CPA5: variants seen among roughly 807,000 people sequenced by gnomAD.
CPA5 encodes carboxypeptidase A5, also known as testicular tissue protein Li 32.
CPA5 carries 38 observed loss-of-function variants against 52.2 expected under a neutral mutation model. The ratio of observed to expected loss-of-function variants is 0.73; its 90% CI spans 0.56 to 0.95. CPA5 has a LOEUF of 0.95. CPA5 is among the 40% of genes least tolerant of loss of function. CPA5 has a pLI of 0.00. For synonymous variants in CPA5, 198 were observed against 213.7 expected (o/e 0.93, Z 0.64); for missense variants, 519 against 566.7 (o/e 0.92, Z 0.86).
intron 10 of CPA5, 93 bp from the exon 11 acceptor site, chr7:130,367,278 TG>T: frequency 9.1e-7 from 1 of 1,103,488 alleles, no homozygotes; most frequent in Non-Finnish European, 1.3e-6. Flanking sequence ...CAAAGGAGGC[TG>T]GGAAATGTAG....
Position 130,367,844 on chromosome 7 carries a change from G to A in CPA5, c.1039-62G>A. The A allele has an allele frequency of 4.4e-6, 6 of 1,376,578 alleles. No homozygotes were observed. The East Asian group carries it at 1.1e-4, about 26-fold the overall frequency. The allele number at this position is 1,376,578 out of a possible 1,614,324, so 85.3% of individuals were successfully genotyped here. A position where few individuals can be genotyped will look rare whatever the true frequency, so the allele number is the denominator to read the frequency against. Reference sequence around the variant, plus strand: ...ATGCTTCTCACCAGCTGGTGAGGGTGGGGGAGTGTGTGGGAGCCCCGGGGA... The same window carrying A: ...ATGCTTCTCACCAGCTGGTGAGGGTAGGGGAGTGTGTGGGAGCCCCGGGGA... On this transcript the variant is annotated intron_variant, in intron 11 of 12. Transcript: ENST00000474905.
intron 4 of CPA5, among the ~76,000 whole-genome samples, chr7:130,349,148 T>G (rs1376301624): frequency 6.6e-6 from 1 of 152,180 alleles, no homozygotes; most frequent in Non-Finnish European, 1.5e-5. Context: ...ATTTATAAGT[T>G]AGGGCCAGGT....
chr7:130,363,588 A>T (rs1795914475), intron 10 of CPA5, 79 bp downstream of exon 10: 1 of 1,199,810 alleles, frequency 8.3e-7, no homozygotes, highest in African/African-American at 1.5e-5. Flanking sequence ...CAGTCAGATT[A>T]TGTTGACTCA....
At position 130,362,977 on chromosome 7, in the gene CPA5, G is replaced by T; in HGVS notation, c.730G>T (p.Ala244Ser). 8 of 1,610,586 alleles carry T rather than the reference G, an allele frequency of 5.0e-6. No individual in the cohort carries two copies. Among genetic ancestry groups the T allele is most frequent in the African/African-American group, 1.3e-5 (1 of 74,966 alleles). ...GCTCGTCACAAACCCTGATGGGTTT[G>T]CTTTTACCCACAGCATGGTGAGGGA... ...IELVTNPDGF[A>S]FTHSMNRLWR... is the part of the protein sequence containing the mutation. Residue 244 changes from alanine (A) to serine (S), a missense_variant, in exon 9 of 13, where the codon GCT (alanine) becomes TCT (serine). By Grantham distance (99) the Ala-to-Ser change is moderately conservative. Transcript: ENST00000474905.
Position 130,361,197 on chromosome 7 carries a change from A to C in CPA5, c.487A>C (p.Ile163Leu). 1 of 1,614,152 alleles carries C rather than the reference A, an allele frequency of 6.2e-7. No homozygotes were observed. Among genetic ancestry groups the C allele is most frequent in the East Asian group, 2.2e-5 (1 of 44,886 alleles). The change falls in exon 7 of 13, where the codon ATT becomes CTT. Residue 163 changes from isoleucine to leucine, a missense_variant. Physicochemically the swap from Ile to Leu is conservative, Grantham distance 5. Coordinates refer to ENST00000474905, the MANE Select transcript of CPA5 (RefSeq NM_080385.5). Reference protein sequence around the residue: ...VMEHSDIVSKIQIGNSFENQS... With the variant: ...VMEHSDIVSKLQIGNSFENQS... Reference sequence around the variant, plus strand: ...GGAGCATTCCGATATTGTCTCAAAAATTCAGATTGGCAACAGCTTTGAAAA... The same window carrying C: ...GGAGCATTCCGATATTGTCTCAAAACTTCAGATTGGCAACAGCTTTGAAAA...
At chr7:130,349,202 G>A (rs1466933244) in intron 4 of CPA5, among the ~76,000 whole-genome samples, 1 of 152,160 alleles carries the variant, frequency 6.6e-6, no homozygotes, top group Non-Finnish European at 1.5e-5. Context: ...GGAGACCAAG[G>A]TGGGTGGATC....
At chr7:130,359,532 A>G (rs1795674920) in intron 5 of CPA5, 57 bp from the exon 6 acceptor site, 1 of 1,273,832 alleles carries the variant, frequency 7.9e-7, no homozygotes, top group Non-Finnish European at 1.1e-6. Flanking sequence ...GGCTCAGAAG[A>G]GGCATAGCCA....
intron 7 of CPA5, 35 bp downstream of exon 7, chr7:130,361,279 C>T (rs782009134): frequency 1.1e-4 from 159 of 1,407,980 alleles, no homozygotes; most frequent in Non-Finnish European, 1.6e-4. Flanking sequence ...TAGACTCTAC[C>T]TTGAGGGCCT....
At chr7:130,346,657 G>T (rs1794763210) in intron 3 of CPA5, 56 bp downstream of exon 3, 7 of 1,449,686 alleles carry the variant, frequency 4.8e-6, no homozygotes, top group Admixed American at 1.7e-5. Flanking sequence ...GGGACTGGGT[G>T]TCCCAGCAGG....
chr7:130,362,772 C>A, intron 8 of CPA5, 112 bp from the exon 9 acceptor site: 2 of 697,754 alleles, frequency 2.9e-6, no homozygotes, highest in Non-Finnish European at 2.5e-6. Flanking sequence ...AAAAGATATA[C>A]CTCAGGGGTT....
Position 130,346,394 on chromosome 7 carries a change from C to A in CPA5, c.-92C>A. On this transcript the variant is annotated splice_region_variant and 5_prime_UTR_variant, in exon 3 of 13. It adds an upstream start codon to the 5' untranslated region. Transcript: ENST00000474905. ...AGACAGCCTAATGCTCTTTCTCAGG[C>A]TGGGCTTTCCAGCCTCTAGGTGCTG... The A allele has an allele frequency of 2.2e-6, 2 of 898,612 alleles. No individual in the cohort carries two copies. The highest frequency in any genetic ancestry group is 1.7e-5 in the South Asian group (1 of 59,118). The allele number at this position is 898,612 out of a possible 1,614,324, so 55.7% of individuals were successfully genotyped here. A position where few individuals can be genotyped will look rare whatever the true frequency, so the allele number is the denominator to read the frequency against.
intron 4 of CPA5, among the ~76,000 whole-genome samples, chr7:130,349,238 G>T (rs1199793131): frequency 1.3e-5 from 2 of 152,118 alleles, no homozygotes; most frequent in African/African-American, 4.8e-5. Flanking sequence ...TTCAAGACCA[G>T]CCTGGCCAAC....
Position 130,351,845 on chromosome 7 carries a change from C to T in CPA5, c.333+1736C>T, listed in dbSNP as rs188882887. On this transcript the variant is annotated intron_variant, in intron 5 of 12. Transcript: ENST00000474905. ...CCTCAGCCAAGTACTTGGCAATGTCCCCTGCAGGGTGGGCCCTCTGCGGTT... is the reference window on the plus strand; with the variant it reads ...CCTCAGCCAAGTACTTGGCAATGTCTCCTGCAGGGTGGGCCCTCTGCGGTT... Among the ~76,000 whole-genome samples, 40 of 152,236 alleles carry T rather than the reference C, an allele frequency of 2.6e-4. No homozygotes were observed. In the East Asian group the frequency reaches 5.8e-3, roughly 22 times the overall value.
At chr7:130,366,937 G>C (rs186374647) in intron 10 of CPA5, among the ~76,000 whole-genome samples, 1 of 152,216 alleles carries the variant, frequency 6.6e-6, no homozygotes, top group Non-Finnish European at 1.5e-5. Flanking sequence ...GTATGGTGCG[G>C]CTGCAGTCCT....
At chr7:130,368,292 C>A in intron 12 of CPA5, 118 bp from the exon 13 acceptor site, 1 of 969,390 alleles carries the variant, frequency 1.0e-6, no homozygotes. Context: ...CTGGTGTGGC[C>A]TGGGGTGGGT....
chr7:130,364,612 C>CA (rs1381247659), intron 10 of CPA5, among the ~76,000 whole-genome samples: 2 of 150,956 alleles, frequency 1.3e-5, no homozygotes, highest in Non-Finnish European at 2.9e-5. Context: ...GCTGGGATTA[C>CA]AGGCATAAGC....
At chr7:130,368,315 C>T in intron 12 of CPA5, 95 bp from the exon 13 acceptor site, 2 of 1,301,670 alleles carry the variant, frequency 1.5e-6, no homozygotes, top group African/African-American at 1.5e-5. Context: ...GGGTTTGGCT[C>T]CCAGGGCTCA....
chr7:130,355,229 G>A (rs1236149087), intron 5 of CPA5, among the ~76,000 whole-genome samples: 1 of 152,116 alleles, frequency 6.6e-6, no homozygotes, highest in Non-Finnish European at 1.5e-5. Context: ...GCCTTGTAAT[G>A]CTCCATCACA....
At chr7:130,360,473 C>T (rs1795734291) in intron 6 of CPA5, among the ~76,000 whole-genome samples, 1 of 152,206 alleles carries the variant, frequency 6.6e-6, no homozygotes, top group African/African-American at 2.4e-5. Context: ...GCAGGGATGC[C>T]CACTCCAGAA....
Sources: gnomAD v4.1 joint callset for allele counts (sites outside exome capture counted in the v4.1 genomes callset) on GRCh38, gnomAD v4.1.1 for gene constraint, MANE v1.5 for transcripts, NCBI Gene and HGNC (gene_info 2026-07-23, HGNC 2026-07-21) for gene names.